RABEPK: variants seen among roughly 807,000 people sequenced by gnomAD.
The protein encoded by RABEPK is 40 kDa Rab9 effector protein.
A neutral mutation model predicts 34.1 loss-of-function variants in RABEPK; 27 were observed. The observed-to-expected ratio is 0.79, with a 90% CI of 0.58 to 1.09. The LOEUF (loss-of-function observed/expected upper bound fraction) is 1.09, where lower values mean the gene tolerates loss of function less well. RABEPK is among the 50% of genes least tolerant of loss of function. The pLI, the probability that RABEPK is intolerant of heterozygous loss-of-function variation, is 0.00. For synonymous variants in RABEPK, 172 were observed against 169.2 expected, an observed-to-expected ratio of 1.02 and a Z score of -0.13; for missense variants, 449 against 462.6, an observed-to-expected ratio of 0.97 and a Z score of 0.27.
Position 125,210,178 on chromosome 9 carries a change from C to T in RABEPK, c.211+2457C>T, listed in dbSNP as rs75004540. ...CAGCACTTTGGGAGGCTGAGGCGGGCGGATCGCTAGGTCAAGAGATCGAGA... is the reference window on the plus strand; with the variant it reads ...CAGCACTTTGGGAGGCTGAGGCGGGTGGATCGCTAGGTCAAGAGATCGAGA... On this transcript the variant is annotated intron_variant, in intron 3 of 7. Coordinates refer to ENST00000373538, the MANE Select transcript of RABEPK (RefSeq NM_005833.4). Among the ~76,000 whole-genome samples, 2,701 of 152,012 alleles carry T rather than the reference C, an allele frequency of 0.018. 158 individuals are homozygous for T. In the East Asian group the frequency reaches 0.23, roughly 13 times the overall value.
intron 3 of RABEPK, among the ~76,000 whole-genome samples, chr9:125,208,360 C>T (rs1588337464): frequency 1.3e-5 from 2 of 152,062 alleles, no homozygotes; most frequent in African/African-American, 4.8e-5. Flanking sequence ...CTACATATCT[C>T]TTTTCTTTGT....
At chr9:125,229,259 A>G (rs1434595051) in intron 6 of RABEPK, among the ~76,000 whole-genome samples, 2 of 150,450 alleles carry the variant, frequency 1.3e-5, no homozygotes, top group East Asian at 4.3e-4. Context: ...GTCTCCAAAA[A>G]AAAAAGAAAA....
chr9:125,226,553 C>T (rs1451739237), intron 5 of RABEPK, among the ~76,000 whole-genome samples: 1 of 151,434 alleles, frequency 6.6e-6, no homozygotes, highest in Non-Finnish European at 1.5e-5. Flanking sequence ...GGTGAAACCC[C>T]GTCTCTATGA....
intron 3 of RABEPK, among the ~76,000 whole-genome samples, chr9:125,211,100 G>A (rs963717102): frequency 2.0e-5 from 3 of 151,208 alleles, no homozygotes; most frequent in Non-Finnish European, 4.4e-5. Context: ...AGCCAGGCGT[G>A]GTGGCGGGCG....
chr9:125,223,471 T>A (rs969074371), intron 5 of RABEPK, among the ~76,000 whole-genome samples: 2 of 151,928 alleles, frequency 1.3e-5, no homozygotes, highest in Non-Finnish European at 2.9e-5. Context: ...AATAAATAAA[T>A]TTTTTAAAAA....
intron 4 of RABEPK, 71 bp from the exon 5 acceptor site, chr9:125,220,468 T>C: frequency 6.6e-7 from 1 of 1,526,192 alleles, no homozygotes; most frequent in Non-Finnish European, 8.8e-7. Flanking sequence ...CTGACTTCAC[T>C]CAGCCCCAGA....
rs768020530 is a variant in RABEPK at position 125,200,755 on chromosome 9, C to T, written c.-158C>T. The T allele has an allele frequency of 2.1e-6, 1 of 471,230 alleles. No individual in the cohort carries two copies. 29.2% of individuals were successfully genotyped at this position (471,230 alleles called of 1,614,324 possible). A position where few individuals can be genotyped will look rare whatever the true frequency, so the allele number is the denominator to read the frequency against. On this transcript the variant is annotated 5_prime_UTR_variant, in exon 1 of 8. Coordinates refer to ENST00000373538, the MANE Select transcript of RABEPK (RefSeq NM_005833.4). ...CTTTGACCGAATCAGCCTGTTCTTT[C>T]CCGACCCCGTCTCCTATCCCCTAGA...
At chr9:125,213,591 A>T in intron 4 of RABEPK, 69 bp downstream of exon 4, 1 of 1,277,570 alleles carries the variant, frequency 7.8e-7, no homozygotes, top group Non-Finnish European at 1.1e-6. Flanking sequence ...ACACACATAT[A>T]TATAAATCCA....
chr9:125,209,849 C>A lies in RABEPK; in HGVS notation c.211+2128C>A, dbSNP rs1289830581. Among the ~76,000 whole-genome samples, 5 of 152,284 alleles carry A rather than the reference C, an allele frequency of 3.3e-5. No homozygotes were observed. In the East Asian group the frequency reaches 7.7e-4, roughly 23 times the overall value. On this transcript the variant is annotated intron_variant, in intron 3 of 7. Coordinates refer to ENST00000373538, the MANE Select transcript of RABEPK (RefSeq NM_005833.4). The stretch of plus-strand genomic sequence containing the variant: ...GATTAAATGTCACTTCTACCAGGAA[C>A]CTTTCCTGTTACCTCTGGACTCGTT...
At chr9:125,203,620 A>T (rs1830036720) in intron 2 of RABEPK, among the ~76,000 whole-genome samples, 1 of 152,210 alleles carries the variant, frequency 6.6e-6, no homozygotes. Flanking sequence ...AGGACCTTGA[A>T]GGAGAGACTC....
intron 1 of RABEPK, among the ~76,000 whole-genome samples, chr9:125,201,299 A>G (rs983909102): frequency 2.0e-5 from 3 of 152,236 alleles, no homozygotes; most frequent in African/African-American, 7.2e-5. Context: ...TAGGGGAAGC[A>G]GAACAGGCTG....
chr9:125,220,714 G>GGC lies in RABEPK; in HGVS notation c.526+15_526+16dup. On this transcript the variant is annotated intron_variant, in intron 5 of 7. Transcript: ENST00000373538. ...TGTTTGACGCAAGTATGGACTGGTG[G>GGC]GCACCTTGGGGCTGGTCAGGGCCAT... is the stretch of plus-strand genomic sequence containing the variant. 6.2e-7 allele frequency: 1 copy of GGC among 1,611,646 alleles called. No homozygotes were observed. The highest frequency in any genetic ancestry group is 8.5e-7 in the Non-Finnish European group (1 of 1,178,662).
At chr9:125,226,229 A>G (rs1831734928) in intron 5 of RABEPK, among the ~76,000 whole-genome samples, 1 of 151,018 alleles carries the variant, frequency 6.6e-6, no homozygotes, top group Admixed American at 6.6e-5. Flanking sequence ...AGGCAGGAGA[A>G]TCACTTGAAC....
chr9:125,231,317 G>T (rs149538993), intron 6 of RABEPK, among the ~76,000 whole-genome samples: 8 of 152,166 alleles, frequency 5.3e-5, no homozygotes, highest in African/African-American at 1.7e-4. Flanking sequence ...ATGCTTGTTT[G>T]AAAAGATGCA....
intron 3 of RABEPK, among the ~76,000 whole-genome samples, chr9:125,212,694 G>T (rs1373034626): frequency 6.7e-6 from 1 of 148,742 alleles, no homozygotes; most frequent in Admixed American, 6.8e-5. Context: ...TGTGTTCCCA[G>T]ACTGGAGTAC....
intron 6 of RABEPK, among the ~76,000 whole-genome samples, chr9:125,231,986 G>A (rs1832216103): frequency 1.4e-5 from 2 of 138,660 alleles, no homozygotes; most frequent in Admixed American, 8.0e-5. Flanking sequence ...CGCAACCTCC[G>A]CCTCCCAGGT....
intron 2 of RABEPK, among the ~76,000 whole-genome samples, chr9:125,205,856 C>T (rs1830192754): frequency 6.6e-6 from 1 of 152,082 alleles, no homozygotes; most frequent in African/African-American, 2.4e-5. Context: ...AATTTGGCAA[C>T]CACTGATGAA....
intron 3 of RABEPK, among the ~76,000 whole-genome samples, chr9:125,208,083 A>G (rs1408782101): frequency 6.6e-6 from 1 of 152,150 alleles, no homozygotes; most frequent in Non-Finnish European, 1.5e-5. Context: ...AGCCAGGATC[A>G]TGCCACTGTA....
In RABEPK at chr9:125,200,770, T is replaced by C. The variant is rs1309495635; in HGVS notation, c.-143T>C. On this transcript the variant is annotated 5_prime_UTR_variant, in exon 1 of 8. Transcript: ENST00000373538. Reference sequence around the variant, plus strand: ...CCTGTTCTTTCCCGACCCCGTCTCCTATCCCCTAGAACTGCCACGTGGGGA... The same window carrying C: ...CCTGTTCTTTCCCGACCCCGTCTCCCATCCCCTAGAACTGCCACGTGGGGA... The C allele has an allele frequency of 4.2e-6, 2 of 471,118 alleles. No individual in the cohort carries two copies. The highest frequency in any genetic ancestry group is 1.4e-4 in the East Asian group (2 of 14,414). The allele number at this position is 471,118 out of a possible 1,614,324, so 29.2% of individuals were successfully genotyped here.
Sources: allele counts gnomAD v4.1 joint callset (sites outside exome capture counted in the v4.1 genomes callset), GRCh38; gene constraint gnomAD v4.1.1; transcripts MANE v1.5; gene names NCBI Gene and HGNC (gene_info 2026-07-23, HGNC 2026-07-21).